Variants in DACH1 observed in about 807,000 individuals in gnomAD.
DACH1 encodes the protein dachshund homolog 1.
Under a neutral mutation model 54.2 loss-of-function variants are expected in DACH1, and 12 were observed. That is an observed-to-expected ratio of 0.22 (90% CI 0.14 to 0.36). The LOEUF is 0.36. Among genes scored for constraint, DACH1 ranks in the 10% least tolerant of loss-of-function variants. The pLI is 1.00. For missense variants in DACH1, 805 were observed against 929.8 expected, an observed-to-expected ratio of 0.87 and a Z score of 1.75; for synonymous variants, 386 against 366.2, an observed-to-expected ratio of 1.05 and a Z score of -0.62.
chr13:71,588,404 T>A (rs1001631742), intron 3 of DACH1, among the ~76,000 whole-genome samples: 3 of 152,106 alleles, frequency 2.0e-5, no homozygotes, highest in Non-Finnish European at 2.9e-5. Flanking sequence ...CATAAACTCC[T>A]CTGGGAGGTA....
At chr13:71,861,139 A>C (rs1874324277) in intron 1 of DACH1, among the ~76,000 whole-genome samples, 1 of 152,082 alleles carries the variant, frequency 6.6e-6, no homozygotes, top group East Asian at 1.9e-4. Context: ...AATAATCCAA[A>C]AAAAAAGCAG....
chr13:71,584,814 T>C (rs1873115823), intron 3 of DACH1, among the ~76,000 whole-genome samples: 1 of 152,050 alleles, frequency 6.6e-6, no homozygotes. Context: ...ACCCTGCATA[T>C]TGGAAATCTT....
At chr13:71,744,542 G>C (rs1884529140) in intron 1 of DACH1, among the ~76,000 whole-genome samples, 1 of 152,114 alleles carries the variant, frequency 6.6e-6, no homozygotes. Context: ...ATCCACATAG[G>C]AACCAGGAAC....
At chr13:71,717,112 T>G (rs1883010163) in intron 1 of DACH1, among the ~76,000 whole-genome samples, 1 of 152,138 alleles carries the variant, frequency 6.6e-6, no homozygotes, top group Admixed American at 6.6e-5. Context: ...TCATTTTTAC[T>G]GAATAATCAA....
At chr13:71,751,258 A>C (rs1884910266) in intron 1 of DACH1, among the ~76,000 whole-genome samples, 1 of 152,174 alleles carries the variant, frequency 6.6e-6, no homozygotes, top group Admixed American at 6.5e-5. Context: ...GGCCCTGATC[A>C]ATTCTGCCAG....
At chr13:71,487,987 A>C (rs994213157) in intron 7 of DACH1, among the ~76,000 whole-genome samples, 1 of 152,176 alleles carries the variant, frequency 6.6e-6, no homozygotes, top group Non-Finnish European at 1.5e-5. Flanking sequence ...CTTAAAGTTG[A>C]ATACAGTTCT....
chr13:71,862,828 A>G (rs1346222151), intron 1 of DACH1, among the ~76,000 whole-genome samples: 1 of 152,096 alleles, frequency 6.6e-6, no homozygotes, highest in Non-Finnish European at 1.5e-5. Context: ...ATTAAGAGAT[A>G]GACATAGTTT....
chr13:71,443,100 ATATAT>A (rs1205092371), intron 10 of DACH1, among the ~76,000 whole-genome samples: 1 of 148,910 alleles, frequency 6.7e-6, no homozygotes, highest in Non-Finnish European at 1.5e-5. Context: ...ATGTAATTAC[ATATAT>A]TATAAGTATA....
intron 3 of DACH1, among the ~76,000 whole-genome samples, chr13:71,590,001 C>T (rs1177787153): frequency 1.3e-5 from 2 of 151,934 alleles, no homozygotes; most frequent in Non-Finnish European, 2.9e-5. Flanking sequence ...CAGTGTTAAA[C>T]TTCTACAATT....
At chr13:71,824,384 G>A (rs1888303836) in intron 1 of DACH1, among the ~76,000 whole-genome samples, 2 of 151,980 alleles carry the variant, frequency 1.3e-5, no homozygotes, top group South Asian at 4.2e-4. Flanking sequence ...GAGATGGAGA[G>A]GAACTTTCCC....
At chr13:71,520,113 A>C in intron 6 of DACH1, among the ~76,000 whole-genome samples, 1 of 151,180 alleles carries the variant, frequency 6.6e-6, no homozygotes, top group East Asian at 2.0e-4. Flanking sequence ...TAGAGAGAAG[A>C]AGCACTAGTT....
intron 6 of DACH1, among the ~76,000 whole-genome samples, chr13:71,503,942 G>C (rs1214992426): frequency 6.6e-6 from 1 of 152,162 alleles, no homozygotes; most frequent in East Asian, 1.9e-4. Context: ...AAAGTTAAGA[G>C]TGTATGTTTA....
At chr13:71,513,024 C>G (rs1052926815) in intron 6 of DACH1, among the ~76,000 whole-genome samples, 1 of 151,606 alleles carries the variant, frequency 6.6e-6, no homozygotes, top group Non-Finnish European at 1.5e-5. Context: ...GTAATAGACA[C>G]GGTAAAGAAA....
At chr13:71,494,630 A>C (rs906025250) in intron 6 of DACH1, among the ~76,000 whole-genome samples, 2 of 152,078 alleles carry the variant, frequency 1.3e-5, no homozygotes, top group Admixed American at 6.5e-5. Context: ...TTGTTTTTTA[A>C]TTCAGTTATT....
chr13:71,735,701 A>T (rs1884083190), intron 1 of DACH1, among the ~76,000 whole-genome samples: 2 of 151,812 alleles, frequency 1.3e-5, no homozygotes, highest in Non-Finnish European at 1.5e-5. Flanking sequence ...CATTGCTTAG[A>T]TGGGTTAAGA....
intron 1 of DACH1, among the ~76,000 whole-genome samples, chr13:71,714,939 G>A (rs751697378): frequency 7.9e-5 from 12 of 152,102 alleles, no homozygotes; most frequent in Non-Finnish European, 1.2e-4. Context: ...AGAACAAGGA[G>A]TTAAGGTTGT....
At chr13:71,616,324 A>C (rs1875759788) in intron 3 of DACH1, among the ~76,000 whole-genome samples, 1 of 152,242 alleles carries the variant, frequency 6.6e-6, no homozygotes, top group South Asian at 2.1e-4. Flanking sequence ...CATGAAGGAC[A>C]GGTATGCATG....
intron 1 of DACH1, among the ~76,000 whole-genome samples, chr13:71,702,883 A>G (rs1403794693): frequency 1.3e-5 from 2 of 152,184 alleles, no homozygotes; most frequent in East Asian, 3.8e-4. Flanking sequence ...TTATATGAGG[A>G]TCATATTAAA....
At chr13:71,716,317 T>C (rs959981469) in intron 1 of DACH1, among the ~76,000 whole-genome samples, 1 of 152,144 alleles carries the variant, frequency 6.6e-6, no homozygotes, top group Non-Finnish European at 1.5e-5. Context: ...AATAACATTA[T>C]AGCACATTCA....
Sources: allele counts gnomAD v4.1 joint callset (sites outside exome capture counted in the v4.1 genomes callset), GRCh38; gene constraint gnomAD v4.1.1; transcripts MANE v1.5; gene names NCBI Gene and HGNC (gene_info 2026-07-23, HGNC 2026-07-21).